The following GIGYF2 variants were observed in gnomAD, a reference collection of about 807,000 sequenced individuals.
GIGYF2 encodes the protein GRB10 interacting GYF protein 2, also known as GRB10-interacting GYF protein 2.
A neutral mutation model predicts 208.1 loss-of-function variants in GIGYF2; 25 were observed. That is an observed-to-expected ratio of 0.12 (90% CI 0.09 to 0.17). The LOEUF (loss-of-function observed/expected upper bound fraction) is 0.17, where lower values mean the gene tolerates loss of function less well. Among genes scored for constraint, GIGYF2 ranks in the 10% least tolerant of loss-of-function variants. GIGYF2 has a pLI of 1.00. For synonymous variants in GIGYF2, 534 were observed against 543.8 expected, an observed-to-expected ratio of 0.98 and a Z score of 0.25; for missense variants, 1,302 against 1,579.4, an observed-to-expected ratio of 0.82 and a Z score of 2.98.
intron 2 of GIGYF2, among the ~76,000 whole-genome samples, chr2:232,711,781 T>C (rs1559375782): frequency 6.7e-6 from 1 of 149,702 alleles, no homozygotes; most frequent in African/African-American, 2.4e-5. Flanking sequence ...TTCTTTGATA[T>C]TACACTAAAA....
chr2:232,741,224 T>C (rs1559396731), intron 3 of GIGYF2, among the ~76,000 whole-genome samples: 1 of 152,208 alleles, frequency 6.6e-6, no homozygotes, highest in Non-Finnish European at 1.5e-5. Flanking sequence ...GCCTGTTTGC[T>C]CAAGCTAGCA....
At position 232,729,729 on chromosome 2, in the gene GIGYF2, AT is replaced by A. The variant is rs1320505738; in HGVS notation, c.-43-5422del. On this transcript the variant is annotated intron_variant, in intron 2 of 28. Transcript: ENST00000373563. ...TGAATGCCTCTGATGCACTCCTCTA[AT>A]TTTGCCATATCTGTCTTATCATCCC... 7 of 755,192 alleles carry A rather than the reference AT, an allele frequency of 9.3e-6. No homozygotes were observed. In the African/African-American group the frequency reaches 1.0e-4, roughly 11 times the overall value. The allele number at this position is 755,192 out of a possible 1,614,324, so 46.8% of individuals were successfully genotyped here.
intron 14 of GIGYF2, among the ~76,000 whole-genome samples, chr2:232,801,317 C>T: frequency 6.6e-6 from 1 of 151,974 alleles, no homozygotes; most frequent in East Asian, 1.9e-4. Context: ...TCACTTGAGT[C>T]CAAGAGTTCG....
At chr2:232,813,135 T>C (rs1700785235) in intron 18 of GIGYF2, among the ~76,000 whole-genome samples, 1 of 152,022 alleles carries the variant, frequency 6.6e-6, no homozygotes, top group Non-Finnish European at 1.5e-5. Flanking sequence ...AATTTGGGGT[T>C]GAGATTATTT....
intron 14 of GIGYF2, among the ~76,000 whole-genome samples, chr2:232,802,004 G>A (rs965877841): frequency 2.0e-5 from 3 of 152,092 alleles, no homozygotes; most frequent in African/African-American, 4.8e-5. Flanking sequence ...GGTTAATCCC[G>A]AAGTATGTAT....
chr2:232,759,448 A>C (rs529721820), intron 6 of GIGYF2, among the ~76,000 whole-genome samples: 24 of 152,196 alleles, frequency 1.6e-4, no homozygotes, highest in Middle Eastern at 3.4e-3. Flanking sequence ...CTAAAAGTGC[A>C]TACGGTCTTC....
At chr2:232,771,600 T>A (rs912383291) in intron 8 of GIGYF2, among the ~76,000 whole-genome samples, 14 of 152,334 alleles carry the variant, frequency 9.2e-5, no homozygotes, top group Admixed American at 9.2e-4. Flanking sequence ...TTTCTTTGAA[T>A]GACAGTTAAA....
intron 8 of GIGYF2, 113 bp from the exon 9 acceptor site, chr2:232,787,037 G>T: frequency 1.3e-6 from 1 of 761,630 alleles, no homozygotes; most frequent in Admixed American, 2.0e-5. Context: ...ATTTTTTTCT[G>T]AATATTGAAA....
At position 232,806,435 on chromosome 2, in the gene GIGYF2, CTCTT is replaced by C. The variant is rs1481097016; in HGVS notation, c.1640-54_1640-51del. 1 of 1,216,542 alleles carries C rather than the reference CTCTT, an allele frequency of 8.2e-7. No individual in the cohort carries two copies. The highest frequency in any genetic ancestry group is 1.2e-6 in the Non-Finnish European group (1 of 818,966). The allele number at this position is 1,216,542 out of a possible 1,614,324, so 75.4% of individuals were successfully genotyped here. The stretch of plus-strand genomic sequence containing the variant: ...ATCAGATGCAGGAAATATTTTTTTT[CTCTT>C]TGAGTCTGAAAGGTTTCTTATTGTC... On this transcript the variant is annotated intron_variant, in intron 14 of 28. Coordinates refer to ENST00000373563, the MANE Select transcript of GIGYF2 (RefSeq NM_001103146.3). The surrounding 1 kb of genome is among the most constrained non-coding windows in gnomAD (Gnocchi z 4.0).
chr2:232,808,167 G>A (rs1700616906), intron 15 of GIGYF2, among the ~76,000 whole-genome samples: 1 of 152,154 alleles, frequency 6.6e-6, no homozygotes, highest in South Asian at 2.1e-4. Context: ...CTAGGTGAGA[G>A]GAATTATTTC....
chr2:232,838,824 C>G (rs1157370133), intron 22 of GIGYF2, among the ~76,000 whole-genome samples: 1 of 152,118 alleles, frequency 6.6e-6, no homozygotes, highest in African/African-American at 2.4e-5. Flanking sequence ...CCTCCCCCAC[C>G]CCAGGGCAGG....
chr2:232,814,440 G>C (rs1409173167), intron 18 of GIGYF2, among the ~76,000 whole-genome samples: 2 of 151,394 alleles, frequency 1.3e-5, no homozygotes, highest in Admixed American at 6.6e-5. Flanking sequence ...TCGGGCACCT[G>C]TAATCCCAGC....
At chr2:232,811,463 C>T in intron 17 of GIGYF2, 112 bp downstream of exon 17, 2 of 730,804 alleles carry the variant, frequency 2.7e-6, no homozygotes, top group South Asian at 1.5e-5. Flanking sequence ...ACACTCCCAA[C>T]ACATACCTGC....
At chr2:232,849,791 C>T (rs752880617) in intron 27 of GIGYF2, among the ~76,000 whole-genome samples, 1 of 152,174 alleles carries the variant, frequency 6.6e-6, no homozygotes. Context: ...CAGATCGTTT[C>T]TGGGATTGCT....
intron 8 of GIGYF2, among the ~76,000 whole-genome samples, chr2:232,775,528 C>G (rs2106346200): frequency 6.6e-6 from 1 of 152,240 alleles, no homozygotes; most frequent in Non-Finnish European, 1.5e-5. Flanking sequence ...TAAGTCTCAT[C>G]AGCTGATCCC....
intron 17 of GIGYF2, 73 bp from the exon 18 acceptor site, chr2:232,812,318 A>C: frequency 5.4e-6 from 4 of 737,172 alleles, no homozygotes; most frequent in African/African-American, 3.5e-5. Context: ...CTAATCTAGA[A>C]ATTCCTCTTC....
chr2:232,721,528 C>T (rs1299723368), intron 2 of GIGYF2, among the ~76,000 whole-genome samples: 1 of 152,212 alleles, frequency 6.6e-6, no homozygotes. Flanking sequence ...TCATCCTTCT[C>T]CATTCACAGG....
chr2:232,721,132 C>A (rs1696925436), intron 2 of GIGYF2, among the ~76,000 whole-genome samples: 1 of 152,182 alleles, frequency 6.6e-6, no homozygotes, highest in African/African-American at 2.4e-5. Context: ...TTTTCTGACT[C>A]CTTCCTCAAA....
chr2:232,776,700 G>A, intron 8 of GIGYF2: 1 of 515,716 alleles, frequency 1.9e-6, no homozygotes, highest in Non-Finnish European at 3.5e-6. Context: ...GGTTTGTTAG[G>A]AGGTCTTTCT....
Sources: allele counts gnomAD v4.1 joint callset (sites outside exome capture counted in the v4.1 genomes callset), GRCh38; gene constraint gnomAD v4.1.1; non-coding constraint Gnocchi (gnomAD v3.1); transcripts MANE v1.5; gene names NCBI Gene and HGNC (gene_info 2026-07-23, HGNC 2026-07-21).